The following TLDC2 variants were observed in gnomAD, a reference collection of about 807,000 sequenced individuals.
TLDC2 encodes the protein TBC/LysM-associated domain containing 2.
TLDC2 carries 23 observed loss-of-function variants against 27.9 expected under a neutral mutation model. The ratio of observed to expected loss-of-function variants is 0.82; its 90% CI spans 0.59 to 1.17. TLDC2 has a LOEUF of 1.17. TLDC2 is among the 50% of genes most tolerant of loss of function. The pLI, the probability that TLDC2 is intolerant of heterozygous loss-of-function variation, is 0.00. For missense variants in TLDC2, 286 were observed against 273.4 expected (o/e 1.05, Z -0.32); for synonymous variants, 124 against 107.4 (o/e 1.16, Z -0.96).
At chr20:36,891,006 A>G (rs1228271909) in intron 6 of TLDC2, 2 of 152,206 alleles carry the variant, frequency 1.3e-5, no homozygotes, top group South Asian at 2.1e-4. Flanking sequence ...GAAAAATATG[A>G]CATTCCTGAC....
Position 36,880,077 on chromosome 20 carries a change from A to ATATATGTATATATATATATGTGTGTG in TLDC2, c.343-573_343-572insGTATATATATATATGTGTGTGTATAT, listed in dbSNP as rs1555828536. ...GTGTAGAATATATATATACATATAT[A>ATATATGTATATATATATATGTGTGTG]TATATATATATATATATATATATAC... On this transcript the variant is annotated intron_variant, in intron 3 of 6. Coordinates refer to ENST00000217320, the MANE Select transcript of TLDC2 (RefSeq NM_080628.3). 1.0e-3 allele frequency among the ~76,000 whole-genome samples: 42 copies of ATATATGTATATATATATATGTGTGTG among 40,486 alleles called. 6 individuals are homozygous for ATATATGTATATATATATATGTGTGTG. The East Asian group carries it at 0.014, about 13-fold the overall frequency. 26.6% of individuals were successfully genotyped at this position (40,486 alleles called of 152,430 possible). A position where few individuals can be genotyped will look rare whatever the true frequency, so the allele number is the denominator to read the frequency against.
At chr20:36,884,346 C>T (rs1053896070) in intron 4 of TLDC2, among the ~76,000 whole-genome samples, 26 of 152,182 alleles carry the variant, frequency 1.7e-4, no homozygotes, top group African/African-American at 6.0e-4. Flanking sequence ...GGCCTTTGCA[C>T]GTGCTATTCT....
chr20:36,889,176 C>G (rs1989996074), intron 5 of TLDC2, 75 bp from the exon 6 acceptor site: 1 of 1,573,390 alleles, frequency 6.4e-7, no homozygotes, highest in Non-Finnish European at 8.7e-7. Context: ...TGGCCAAGAG[C>G]TGATGCTGGT....
At chr20:36,891,189 T>C (rs2148350767) in intron 6 of TLDC2, 1 of 152,354 alleles carries the variant, frequency 6.6e-6, no homozygotes, top group East Asian at 1.9e-4. Context: ...ACTATTCTCT[T>C]ATGAATTGTA....
chr20:36,890,396 C>CCCTTTCTTTCTTTCTTTCTTTCTTT (rs143176006), intron 6 of TLDC2: 2 of 142,450 alleles, frequency 1.4e-5, no homozygotes, highest in Non-Finnish European at 3.1e-5. Context: ...ATATTTCTTT[C>CCCTTTCTTTCTTTCTTTCTTTCTTT]TCTTTCTTTC....
At chr20:36,889,658 A>G (rs1355434175) in intron 6 of TLDC2, 2 of 319,696 alleles carry the variant, frequency 6.3e-6, no homozygotes, top group East Asian at 1.1e-4. Flanking sequence ...GAAAACTCAG[A>G]AAAATCCACA....
intron 3 of TLDC2, among the ~76,000 whole-genome samples, chr20:36,879,881 G>T (rs1989761147): frequency 9.2e-6 from 1 of 109,094 alleles, no homozygotes; most frequent in African/African-American, 2.8e-5. Flanking sequence ...GTGAAACCCT[G>T]TCTGAAAAAA....
intron 2 of TLDC2, 123 bp downstream of exon 2, chr20:36,878,177 T>C: frequency 4.6e-6 from 5 of 1,084,672 alleles, no homozygotes; most frequent in Non-Finnish European, 5.1e-6. Context: ...CATCATGCGT[T>C]ACCTCCGGCA....
At chr20:36,879,263 G>C (rs1195756497) in intron 3 of TLDC2, 70 bp downstream of exon 3, 1 of 1,526,816 alleles carries the variant, frequency 6.5e-7, no homozygotes, top group East Asian at 2.3e-5. Flanking sequence ...CCCTGTCCCA[G>C]GGCAGCTCAG....
intron 2 of TLDC2, 70 bp downstream of exon 2, chr20:36,878,124 C>T: frequency 2.0e-6 from 3 of 1,502,226 alleles, no homozygotes; most frequent in Non-Finnish European, 1.8e-6. Context: ...TGCCCTACAC[C>T]AGCCACGCCC....
intron 1 of TLDC2, among the ~76,000 whole-genome samples, chr20:36,877,115 G>T (rs1386390815): frequency 6.6e-6 from 1 of 152,182 alleles, no homozygotes; most frequent in African/African-American, 2.4e-5. Context: ...GCCAGGCGCG[G>T]TGGCTCACGC....
In TLDC2 at chr20:36,880,070, C is replaced by CATATATATAT. The variant is rs1186641126; in HGVS notation, c.343-563_343-554dup. On this transcript the variant is annotated intron_variant, in intron 3 of 6. Transcript: ENST00000217320. ...ATTACTTGTGTAGAATATATATATA[C>CATATATATAT]ATATATATATATATATATATATATA... is the stretch of plus-strand genomic sequence containing the variant. Among the ~76,000 whole-genome samples, 125 of 73,058 alleles carry CATATATATAT rather than the reference C, an allele frequency of 1.7e-3. 4 individuals carry two copies. The highest frequency in any genetic ancestry group is 8.1e-3 in the Middle Eastern group (1 of 124). The allele number at this position is 73,058 out of a possible 152,430, so 47.9% of individuals were successfully genotyped here.
At chr20:36,882,942 C>T (rs1989846157) in intron 4 of TLDC2, among the ~76,000 whole-genome samples, 1 of 152,140 alleles carries the variant, frequency 6.6e-6, no homozygotes, top group African/African-American at 2.4e-5. Flanking sequence ...TCGTCCTCAT[C>T]TCCCCAGCCT....
chr20:36,883,180 G>A (rs1601098526), intron 4 of TLDC2, among the ~76,000 whole-genome samples: 1 of 148,682 alleles, frequency 6.7e-6, no homozygotes, highest in East Asian at 2.1e-4. Context: ...TCTGTCACCC[G>A]GGCTGGAGGG....
At chr20:36,877,764 C>G in intron 1 of TLDC2, 135 bp from the exon 2 acceptor site, 1 of 1,046,428 alleles carries the variant, frequency 9.6e-7, no homozygotes, top group Non-Finnish European at 1.4e-6. Flanking sequence ...CCCAACTACC[C>G]TGGGCTGGGC....
At chr20:36,878,905 T>A (rs750936392) in intron 2 of TLDC2, 136 bp from the exon 3 acceptor site, 22 of 1,297,014 alleles carry the variant, frequency 1.7e-5, no homozygotes, top group Middle Eastern at 1.9e-4. Context: ...GGCATGAAAG[T>A]CCCTAGAAAC....
chr20:36,879,273 G>A (rs1478144647), intron 3 of TLDC2, 80 bp downstream of exon 3: 8 of 1,499,222 alleles, frequency 5.3e-6, no homozygotes, highest in Admixed American at 4.4e-5. Flanking sequence ...GGGCAGCTCA[G>A]GGACAAGCAG....
chr20:36,889,316 TCAA>T lies in TLDC2; in HGVS notation c.583_585del (p.Asn195del), dbSNP rs1224187515. The T allele has an allele frequency of 6.2e-7, 1 of 1,614,180 alleles. No homozygotes were observed. The highest frequency in any genetic ancestry group is 1.7e-5 in the Admixed American group (1 of 60,022). ...GGGGGAAGCTCCCCTTGCCCGACCT[TCAA>T]CAACGAGGTGCTGGCCCGGCAGGAG... On this transcript the variant is annotated inframe_deletion, in exon 6 of 7. Transcript: ENST00000217320.
Position 36,887,621 on chromosome 20 carries a change from A to G in TLDC2, c.512+93A>G, listed in dbSNP as rs1247816825. On this transcript the variant is annotated intron_variant, in intron 5 of 6. Coordinates refer to ENST00000217320, the MANE Select transcript of TLDC2 (RefSeq NM_080628.3). ...GCTGGGCTAGGCTGCCCTTGATGCA[A>G]TGGCGAGGCTAGTGGGGAACTCTCA... 7 of 1,228,942 alleles carry G rather than the reference A, an allele frequency of 5.7e-6. No individual in the cohort carries two copies. In the African/African-American group the frequency reaches 5.9e-5, roughly 10 times the overall value. 76.1% of individuals were successfully genotyped at this position (1,228,942 alleles called of 1,614,324 possible).
Sources: allele counts gnomAD v4.1 joint callset (sites outside exome capture counted in the v4.1 genomes callset), GRCh38; gene constraint gnomAD v4.1.1; transcripts MANE v1.5; gene names NCBI Gene and HGNC (gene_info 2026-07-23, HGNC 2026-07-21).